ZDHHC21: variants seen among roughly 807,000 people sequenced by gnomAD.
The protein encoded by ZDHHC21 is palmitoyltransferase ZDHHC21.
In ZDHHC21, 15 loss-of-function variants were observed where a neutral mutation model predicts 34.6. That is an observed-to-expected ratio of 0.43 (90% confidence interval 0.29 to 0.67). ZDHHC21 has a LOEUF of 0.67. ZDHHC21 is among the 30% of genes least tolerant of loss of function. ZDHHC21 has a pLI of 0.14. For missense variants in ZDHHC21, 344 were observed against 327.7 expected, an observed-to-expected ratio of 1.05 and a Z score of -0.38; for synonymous variants, 142 against 101.8, an observed-to-expected ratio of 1.40 and a Z score of -2.38.
chr9:14,596,530 G>A, the ZDHHC21 span, among the ~76,000 whole-genome samples: 3 of 152,002 alleles, frequency 2.0e-5, no homozygotes, highest in Admixed American at 6.5e-5. Flanking sequence ...TCACTGGTCC[G>A]GTAGGAAAAG....
At chr9:14,665,897 C>A (rs1416397611) in intron 5 of ZDHHC21, among the ~76,000 whole-genome samples, 1 of 149,414 alleles carries the variant, frequency 6.7e-6, no homozygotes, top group Admixed American at 6.7e-5. Flanking sequence ...CAAAATCATG[C>A]CAAAATGTAA....
At chr9:14,589,437 A>G in the ZDHHC21 span, 1 of 152,124 alleles carries the variant, frequency 6.6e-6, no homozygotes, top group Non-Finnish European at 1.5e-5. Context: ...AGACCATTGT[A>G]TAAGAGGGGA....
At chr9:14,596,469 T>C in the ZDHHC21 span, among the ~76,000 whole-genome samples, 2 of 152,200 alleles carry the variant, frequency 1.3e-5, no homozygotes, top group Non-Finnish European at 2.9e-5. Context: ...ACCTACATGC[T>C]GCTTGTGTGT....
At chr9:14,590,765 A>G in the ZDHHC21 span, among the ~76,000 whole-genome samples, 1 of 152,186 alleles carries the variant, frequency 6.6e-6, no homozygotes, top group Non-Finnish European at 1.5e-5. Context: ...CTCAGACAGA[A>G]GGATAAAGAT....
chr9:14,638,531 G>C (rs935396379), intron 8 of ZDHHC21, among the ~76,000 whole-genome samples: 11 of 151,850 alleles, frequency 7.2e-5, no homozygotes, highest in Admixed American at 4.6e-4. Flanking sequence ...AACAAATACA[G>C]ACAAATGGGA....
chr9:14,660,234 C>T (rs1237512007), intron 6 of ZDHHC21, among the ~76,000 whole-genome samples: 2 of 151,828 alleles, frequency 1.3e-5, no homozygotes, highest in African/African-American at 4.8e-5. Context: ...AGCATGGTGG[C>T]ATGCACTTGT....
At chr9:14,597,505 T>C in the ZDHHC21 span, among the ~76,000 whole-genome samples, 15 of 151,944 alleles carry the variant, frequency 9.9e-5, no homozygotes, top group African/African-American at 3.6e-4. Context: ...AACAACGCAG[T>C]CCCTTCCCTA....
chr9:14,633,438 G>C (rs1429139432), intron 8 of ZDHHC21, among the ~76,000 whole-genome samples: 1 of 152,096 alleles, frequency 6.6e-6, no homozygotes. Flanking sequence ...CAAGACTAAT[G>C]GGAGCTACCT....
At position 14,692,044 on chromosome 9, in the gene ZDHHC21, G is replaced by C. The variant is rs569391758; in HGVS notation, c.-225+1185C>G. On this transcript the variant is annotated intron_variant, in intron 1 of 9. Transcript: ENST00000380916. ...ACTAGAATCTAGTTTTTCTTTCCACGACACCAAATCTCATTTGGCTCTTTC... is the reference window on the plus strand; with the variant it reads ...ACTAGAATCTAGTTTTTCTTTCCACCACACCAAATCTCATTTGGCTCTTTC... Among the ~76,000 whole-genome samples, 4 of 152,204 alleles carry C rather than the reference G, an allele frequency of 2.6e-5. No individual in the cohort carries two copies. The East Asian group carries it at 5.8e-4, about 22-fold the overall frequency.
In ZDHHC21 at chr9:14,618,873, T is replaced by G; in HGVS notation, c.*93A>C. The G allele has an allele frequency of 7.3e-7, 1 of 1,366,942 alleles. No individual in the cohort carries two copies. The highest frequency in any genetic ancestry group is 2.0e-5 in the South Asian group (1 of 49,828). 84.7% of individuals were successfully genotyped at this position (1,366,942 alleles called of 1,614,324 possible). ...ATGCCTAAGACTGGTGGGTGGATTT[T>G]AATTGACTTGAAGACTGTCATAGTT... On this transcript the variant is annotated 3_prime_UTR_variant, in exon 10 of 10. Coordinates refer to ENST00000380916, the MANE Select transcript of ZDHHC21 (RefSeq NM_178566.6).
chr9:14,669,859 TG>T (rs1312026974), intron 5 of ZDHHC21, among the ~76,000 whole-genome samples: 3 of 62,844 alleles, frequency 4.8e-5, no homozygotes, highest in African/African-American at 1.9e-4. Context: ...TGTGGTGGGG[TG>T]GGGGGAGGGG....
intron 1 of ZDHHC21, among the ~76,000 whole-genome samples, chr9:14,692,069 C>T (rs1320857197): frequency 1.3e-5 from 2 of 152,184 alleles, no homozygotes; most frequent in Non-Finnish European, 2.9e-5. Flanking sequence ...TTGGCTCTTT[C>T]TTTCCAGTGG....
chr9:14,685,446 T>A (rs1838157754), intron 2 of ZDHHC21, among the ~76,000 whole-genome samples: 1 of 151,010 alleles, frequency 6.6e-6, no homozygotes, highest in South Asian at 2.1e-4. Context: ...AAAAGACACA[T>A]GAAAAAATGC....
intron 5 of ZDHHC21, among the ~76,000 whole-genome samples, chr9:14,665,511 C>T (rs553660838): frequency 5.9e-5 from 9 of 152,048 alleles, no homozygotes; most frequent in East Asian, 1.9e-4. Context: ...CACAAAGATA[C>T]TCCCCAAGAA....
chr9:14,646,034 C>A (rs1255297406), intron 7 of ZDHHC21, among the ~76,000 whole-genome samples: 2 of 152,068 alleles, frequency 1.3e-5, no homozygotes, highest in Non-Finnish European at 2.9e-5. Context: ...CCTTCGAACA[C>A]CAGCACTTCT....
At chr9:14,680,416 A>C (rs1009096896) in intron 2 of ZDHHC21, among the ~76,000 whole-genome samples, 1 of 152,176 alleles carries the variant, frequency 6.6e-6, no homozygotes, top group Non-Finnish European at 1.5e-5. Flanking sequence ...TACTTCCCAT[A>C]AAATCAAATA....
Position 14,623,167 on chromosome 9 carries a change from A to C in ZDHHC21, c.622-3485T>G, listed in dbSNP as rs566541808. On this transcript the variant is annotated intron_variant, in intron 8 of 9. Transcript: ENST00000380916. ...AAAAAAGGCAACAACAAAAAAAAAAACAGACAAATGAGATTACATCAAACA... is the reference window on the plus strand; with the variant it reads ...AAAAAAGGCAACAACAAAAAAAAAACCAGACAAATGAGATTACATCAAACA... 5.3e-5 allele frequency among the ~76,000 whole-genome samples: 8 copies of C among 151,872 alleles called. No individual in the cohort carries two copies. In the East Asian group the frequency reaches 7.8e-4, roughly 15 times the overall value.
At chr9:14,678,222 T>C (rs1363021614) in intron 3 of ZDHHC21, among the ~76,000 whole-genome samples, 1 of 152,068 alleles carries the variant, frequency 6.6e-6, no homozygotes, top group Non-Finnish European at 1.5e-5. Flanking sequence ...ACTATTAGAA[T>C]AGCAAGTGGT....
At chr9:14,650,950 C>G (rs527376971) in intron 7 of ZDHHC21, among the ~76,000 whole-genome samples, 1 of 151,780 alleles carries the variant, frequency 6.6e-6, no homozygotes, top group Non-Finnish European at 1.5e-5. Flanking sequence ...AATAAGTATA[C>G]AACAATTAGA....
Sources: allele counts gnomAD v4.1 joint callset (sites outside exome capture counted in the v4.1 genomes callset), GRCh38; gene constraint gnomAD v4.1.1; transcripts MANE v1.5; gene names NCBI Gene and HGNC (gene_info 2026-07-23, HGNC 2026-07-21).